PWWP3A: variants seen among roughly 807,000 people sequenced by gnomAD.
PWWP3A encodes the protein PWWP domain-containing DNA repair factor 3A.
A neutral mutation model predicts 79.0 loss-of-function variants in PWWP3A; 53 were observed. That is an observed-to-expected ratio of 0.67 (90% confidence interval 0.54 to 0.84). PWWP3A has a LOEUF of 0.84. Ranked by LOEUF, PWWP3A falls within the 40% of genes least tolerant of loss-of-function variation. The probability of loss-of-function intolerance (pLI) is 0.00; values close to 1 mark genes in which losing one functional copy is unlikely to be tolerated. For missense variants in PWWP3A, 973 were observed against 948.0 expected (o/e 1.03, Z -0.35); for synonymous variants, 443 against 394.4 (o/e 1.12, Z -1.46).
In PWWP3A at chr19:1,362,441, A is replaced by G. The variant is rs974618620; in HGVS notation, c.1213+90A>G. 3.2e-6 allele frequency: 3 copies of G among 946,292 alleles called. No homozygotes were observed. In the African/African-American group the frequency reaches 5.0e-5, roughly 16 times the overall value. The allele number at this position is 946,292 out of a possible 1,614,324, so 58.6% of individuals were successfully genotyped here. ...TCCGAGACCGGGCCCCACATTCTCC[A>G]TGAAAGGTCTCCTGCGAGTTCATTT... On this transcript the variant is annotated intron_variant, in intron 6 of 13. Coordinates refer to ENST00000591337, the MANE Select transcript of PWWP3A (RefSeq NM_001369789.1).
At chr19:1,361,334 G>T (rs1451964417) in intron 5 of PWWP3A, among the ~76,000 whole-genome samples, 1 of 152,258 alleles carries the variant, frequency 6.6e-6, no homozygotes, top group Non-Finnish European at 1.5e-5. Context: ...GAGCATTGTG[G>T]CTGTGCTGAG....
At chr19:1,364,681 T>C in intron 7 of PWWP3A, 102 bp downstream of exon 7, 9 of 979,166 alleles carry the variant, frequency 9.2e-6, no homozygotes, top group South Asian at 7.1e-5. Flanking sequence ...AGGATAAATG[T>C]TTTCATTGTT....
chr19:1,364,326 AAGT>A (rs2082084103), intron 6 of PWWP3A, 180 bp from the exon 7 acceptor site: 1 of 691,864 alleles, frequency 1.4e-6, no homozygotes, highest in Admixed American at 2.0e-5. Flanking sequence ...GGTTAGACTC[AAGT>A]AGTGTGGGGT....
chr19:1,375,487 A>G (rs1230078160), intron 13 of PWWP3A, among the ~76,000 whole-genome samples: 1 of 132,918 alleles, frequency 7.5e-6, no homozygotes, highest in Non-Finnish European at 1.6e-5. Flanking sequence ...TATATTATAT[A>G]AAATATATAA....
rs1280779126 is a variant in PWWP3A, at chr19:1,356,397, C to G, written c.5C>G (p.Ala2Gly). The change falls in exon 2 of 14, where the codon GCG (alanine) becomes GGG (glycine). Residue 2 changes from alanine to glycine, a missense_variant. By Grantham distance (60) the Ala-to-Gly change is moderately conservative. Coordinates refer to ENST00000591337, the MANE Select transcript of PWWP3A (RefSeq NM_001369789.1). M[A>G]DAKYVLCRWE... ...CTTGCCACATGAGTGTAAATGATGG[C>G]GGATGCCAAGTATGTCCTCTGCCGA... The G allele has an allele frequency of 6.2e-7, 1 of 1,614,096 alleles. No individual in the cohort carries two copies. The highest frequency in any genetic ancestry group is 8.5e-7 in the Non-Finnish European group (1 of 1,179,968).
In PWWP3A at chr19:1,369,515, AC is replaced by A; in HGVS notation, c.1499-80del. 6.4e-7 allele frequency: 1 copy of A among 1,562,348 alleles called. No homozygotes were observed. The highest frequency in any genetic ancestry group is 8.8e-7 in the Non-Finnish European group (1 of 1,134,222). On this transcript the variant is annotated intron_variant, in intron 10 of 13. Coordinates refer to ENST00000591337, the MANE Select transcript of PWWP3A (RefSeq NM_001369789.1). The surrounding 1 kb of genome is among the most constrained non-coding windows in gnomAD (Gnocchi z 4.0). ...TGGCCTGATTATTTCCTAAACAGAG[AC>A]GCCGGGCCAGCCCCTGGAACACACT...
At chr19:1,374,324 C>G (rs956231937) in intron 13 of PWWP3A, 3 of 152,322 alleles carry the variant, frequency 2.0e-5, no homozygotes, top group African/African-American at 7.2e-5. Context: ...GCTGAGCACA[C>G]AGGCCGTGAT....
chr19:1,355,833 C>G (rs2081847896), intron 1 of PWWP3A, among the ~76,000 whole-genome samples: 2 of 151,758 alleles, frequency 1.3e-5, no homozygotes, highest in Non-Finnish European at 2.9e-5. Context: ...AACAGCCAAG[C>G]CAGTCCTTCC....
intron 12 of PWWP3A, chr19:1,372,850 T>G (rs777184013): frequency 1.0e-5 from 5 of 479,976 alleles, no homozygotes; most frequent in Non-Finnish European, 1.5e-5. Context: ...TTTAGTGATC[T>G]GAGCTATTGT....
At position 1,369,517 on chromosome 19, in the gene PWWP3A, G is replaced by T. The variant is rs747823309; in HGVS notation, c.1499-79G>T. 6.2e-5 allele frequency: 97 copies of T among 1,564,016 alleles called. No homozygotes were observed. Among genetic ancestry groups the T allele is most frequent in the Admixed American group, 1.7e-5 (1 of 59,882 alleles). ...GCCTGATTATTTCCTAAACAGAGAC[G>T]CCGGGCCAGCCCCTGGAACACACTT... On this transcript the variant is annotated intron_variant, in intron 10 of 13. Coordinates refer to ENST00000591337, the MANE Select transcript of PWWP3A (RefSeq NM_001369789.1). The surrounding 1 kb of genome is among the most constrained non-coding windows in gnomAD (Gnocchi z 4.0).
intron 7 of PWWP3A, among the ~76,000 whole-genome samples, chr19:1,364,841 G>A (rs756079913): frequency 1.3e-5 from 2 of 152,162 alleles, no homozygotes; most frequent in Non-Finnish European, 2.9e-5. Flanking sequence ...ATTTGCGGCC[G>A]GGTGCAGTGG....
chr19:1,375,638 TATA>T (rs1012158564), intron 13 of PWWP3A, among the ~76,000 whole-genome samples: 4 of 6,568 alleles, frequency 6.1e-4, no homozygotes, highest in East Asian at 0.016. Flanking sequence ...TTATATATTA[TATA>T]ATATATAATT....
At chr19:1,364,814 A>G (rs976414868) in intron 7 of PWWP3A, among the ~76,000 whole-genome samples, 1 of 152,146 alleles carries the variant, frequency 6.6e-6, no homozygotes, top group Non-Finnish European at 1.5e-5. Context: ...GCTTAGAAAG[A>G]CCTACTCGAA....
chr19:1,360,543 C>T lies in PWWP3A; in HGVS notation c.622C>T (p.His208Tyr), dbSNP rs775750183. ...AQDESGSRIH[H>Y]KNWTLASKRG... ...AGATGAGAGTGGGTCCAGAATCCAC[C>T]ACAAAAATTGGACTCTTGCAAGTAA... is the stretch of plus-strand genomic sequence containing the variant. Residue 208 changes from histidine (H) to tyrosine (Y), a missense_variant, in exon 5 of 14, where the codon CAC (histidine) becomes TAC (tyrosine). Transcript: ENST00000591337. This position sits in a 1 kb window ranked among gnomAD's most constrained non-coding sequence, Gnocchi z 4.4. 6.2e-7 allele frequency: 1 copy of T among 1,614,210 alleles called. No individual in the cohort carries two copies. Among genetic ancestry groups the T allele is most frequent in the Non-Finnish European group, 8.5e-7 (1 of 1,180,024 alleles).
chr19:1,356,188 G>GCAT, intron 1 of PWWP3A, 136 bp from the exon 2 acceptor site: 1 of 578,278 alleles, frequency 1.7e-6, no homozygotes, highest in Non-Finnish European at 3.1e-6. Context: ...TTGGCATTGA[G>GCAT]CATCTCAATG....
rs1411637811 is a variant in PWWP3A at position 1,360,406 on chromosome 19, G to A, written c.485G>A (p.Ser162Asn). 6.2e-7 allele frequency: 1 copy of A among 1,614,024 alleles called. No homozygotes were observed. ...CCATGTGTGCAACAAAGCCTGTCAA[G>A]TTCGTTCACTTGTGAAAAGGACCCC... The part of the protein sequence containing the change: ...RRPCVQQSLS[S>N]SFTCEKDPEC... Residue 162 changes from serine (S) to asparagine (N), a missense_variant, in exon 5 of 14, where the codon AGT becomes AAT. Transcript: ENST00000591337. This position sits in a 1 kb window ranked among gnomAD's most constrained non-coding sequence, Gnocchi z 4.4.
chr19:1,364,225 C>T (rs764718311), intron 6 of PWWP3A: 3 of 599,616 alleles, frequency 5.0e-6, no homozygotes, highest in South Asian at 1.4e-5. Context: ...CCCCTCGTGG[C>T]ACCCCTCCCA....
At chr19:1,363,176 C>G (rs563432737) in intron 6 of PWWP3A, among the ~76,000 whole-genome samples, 1 of 152,240 alleles carries the variant, frequency 6.6e-6, no homozygotes, top group Non-Finnish European at 1.5e-5. Flanking sequence ...CGCCATTCCA[C>G]GCACACTTGC....
intron 13 of PWWP3A, among the ~76,000 whole-genome samples, chr19:1,375,529 T>TTATTATATATAA (rs1568965190): frequency 8.8e-6 from 1 of 113,496 alleles, no homozygotes; most frequent in Non-Finnish European, 1.7e-5. Context: ...ATCATATAAT[T>TTATTATATATAA]TATATATTTT....
Sources: gnomAD v4.1 joint callset for allele counts (sites outside exome capture counted in the v4.1 genomes callset) on GRCh38, gnomAD v4.1.1 for gene constraint, Gnocchi (gnomAD v3.1) non-coding constraint, MANE v1.5 for transcripts, NCBI Gene and HGNC (gene_info 2026-07-23, HGNC 2026-07-21) for gene names.